CAST: variants seen among roughly 807,000 people sequenced by gnomAD.
CAST encodes the protein MIR583 host.
CAST carries 76 observed loss-of-function variants against 119.6 expected under a neutral mutation model. That is an observed-to-expected ratio of 0.64 (90% CI 0.53 to 0.77). The LOEUF (loss-of-function observed/expected upper bound fraction) is 0.77. Ranked by LOEUF, CAST falls within the 30% of genes least tolerant of loss-of-function variation. The pLI, the probability that CAST is intolerant of heterozygous loss-of-function variation, is 0.00. For synonymous variants in CAST, 319 were observed against 331.6 expected (o/e 0.96, Z 0.41); for missense variants, 953 against 946.5 (o/e 1.01, Z -0.09).
chr5:96,239,150 A>C, the CAST span, among the ~76,000 whole-genome samples: 1 of 152,126 alleles, frequency 6.6e-6, no homozygotes, highest in African/African-American at 2.4e-5. Flanking sequence ...TTAAAATTTT[A>C]ATTTTTTTAA....
chr5:96,744,651 T>C (rs1159123783), intron 16 of CAST, among the ~76,000 whole-genome samples: 1 of 152,188 alleles, frequency 6.6e-6, no homozygotes, highest in Non-Finnish European at 1.5e-5. Flanking sequence ...TTCAGTCCTC[T>C]AGATTATTAA....
the CAST span, among the ~76,000 whole-genome samples, chr5:96,420,509 C>A: frequency 6.6e-6 from 1 of 152,124 alleles, no homozygotes; most frequent in Non-Finnish European, 1.5e-5. Flanking sequence ...TAGTCACCCT[C>A]AAAGAAATAA....
the CAST span, among the ~76,000 whole-genome samples, chr5:95,966,273 A>G: frequency 6.6e-6 from 1 of 152,134 alleles, no homozygotes; most frequent in Admixed American, 6.5e-5. Flanking sequence ...AACCCTCCCT[A>G]GCCTTGTAAT....
the CAST span, among the ~76,000 whole-genome samples, chr5:96,457,741 C>T: frequency 1.3e-5 from 2 of 152,210 alleles, no homozygotes; most frequent in African/African-American, 4.8e-5. Context: ...TTATCTTCCT[C>T]AACCCAGAAT....
intron 1 of CAST, among the ~76,000 whole-genome samples, chr5:96,652,976 A>G (rs1462801187): frequency 6.6e-6 from 1 of 152,226 alleles, no homozygotes; most frequent in Non-Finnish European, 1.5e-5. Context: ...GTTTGGCTTG[A>G]GCACAGTGCT....
the CAST span, among the ~76,000 whole-genome samples, chr5:96,439,992 C>T: frequency 6.6e-6 from 1 of 151,960 alleles, no homozygotes; most frequent in Non-Finnish European, 1.5e-5. Context: ...AAGTGGCCCA[C>T]GGCACATTAC....
the CAST span, among the ~76,000 whole-genome samples, chr5:96,007,422 G>T: frequency 6.6e-6 from 1 of 152,110 alleles, no homozygotes; most frequent in Non-Finnish European, 1.5e-5. Context: ...TTTGACTTTT[G>T]AATTTAGTTA....
the CAST span, among the ~76,000 whole-genome samples, chr5:96,496,723 C>A: frequency 6.6e-6 from 1 of 152,146 alleles, no homozygotes; most frequent in South Asian, 2.1e-4. Flanking sequence ...GATGAAGAAA[C>A]CGGTTAGGTT....
the CAST span, among the ~76,000 whole-genome samples, chr5:96,043,420 G>A: frequency 1.1e-3 from 171 of 152,342 alleles, 1 homozygote; most frequent in African/African-American, 3.8e-3. Flanking sequence ...GTTAATGCAA[G>A]TGGTTTCGTT....
At chr5:96,515,160 T>C in the CAST span, among the ~76,000 whole-genome samples, 1 of 143,038 alleles carries the variant, frequency 7.0e-6, no homozygotes, top group Non-Finnish European at 1.6e-5. Context: ...ATGGGAGTGC[T>C]TCAAAAATGA....
rs1754857296 is a variant in CAST, at chr5:96,705,824, G to A, written c.210+9917G>A. Reference sequence around the variant, plus strand: ...ATGTAGCTATGACGTAGAAACTCCTGTTATGCTCGTTTTACAGATTAAGAA... The same window carrying A: ...ATGTAGCTATGACGTAGAAACTCCTATTATGCTCGTTTTACAGATTAAGAA... On this transcript the variant is annotated intron_variant, in intron 3 of 31. Coordinates refer to ENST00000675179, the MANE Select transcript of CAST (RefSeq NM_001750.7). Among the ~76,000 whole-genome samples, 4 of 152,270 alleles carry A rather than the reference G, an allele frequency of 2.6e-5. No homozygotes were observed. In the South Asian group the frequency reaches 8.3e-4, roughly 32 times the overall value.
the CAST span, among the ~76,000 whole-genome samples, chr5:96,018,785 G>A: frequency 6.6e-6 from 1 of 152,140 alleles, no homozygotes; most frequent in South Asian, 2.1e-4. Context: ...TTTTTTAAAA[G>A]AAAGAATCTC....
At chr5:96,196,443 A>C in the CAST span, among the ~76,000 whole-genome samples, 540 of 152,320 alleles carry the variant, frequency 3.5e-3, 2 homozygotes, top group African/African-American at 0.013. Flanking sequence ...CCCTGATCTC[A>C]CGTATGTTCT....
At chr5:96,408,194 A>T in the CAST span, 1 of 1,495,046 alleles carries the variant, frequency 6.7e-7, no homozygotes, top group Non-Finnish European at 9.3e-7. Flanking sequence ...AGCCTTTGTA[A>T]AGGTGATTAG....
the CAST span, among the ~76,000 whole-genome samples, chr5:96,368,859 G>A: frequency 1.3e-5 from 2 of 152,078 alleles, no homozygotes; most frequent in African/African-American, 4.8e-5. Context: ...AATTGGCTAG[G>A]TAAGAAATTT....
the CAST span, among the ~76,000 whole-genome samples, chr5:96,378,434 A>G: frequency 6.6e-6 from 1 of 152,148 alleles, no homozygotes; most frequent in Non-Finnish European, 1.5e-5. Flanking sequence ...GTATATGTAT[A>G]TCAAAACATC....
At chr5:96,485,425 G>C in the CAST span, among the ~76,000 whole-genome samples, 1 of 152,052 alleles carries the variant, frequency 6.6e-6, no homozygotes, top group Admixed American at 6.6e-5. Context: ...AACATAATCA[G>C]CTTGCAATTT....
intron 2 of CAST, among the ~76,000 whole-genome samples, chr5:96,685,377 A>AT (rs1269432178): frequency 6.6e-6 from 1 of 152,128 alleles, no homozygotes; most frequent in East Asian, 1.9e-4. Flanking sequence ...AAATAATGGG[A>AT]TGACTGGTTC....
At chr5:96,429,644 C>A in the CAST span, among the ~76,000 whole-genome samples, 2 of 152,118 alleles carry the variant, frequency 1.3e-5, no homozygotes, top group Non-Finnish European at 2.9e-5. Context: ...ATATGTTGTT[C>A]CCCTCTATGT....
Sources: allele counts gnomAD v4.1 joint callset (sites outside exome capture counted in the v4.1 genomes callset), GRCh38; gene constraint gnomAD v4.1.1; transcripts MANE v1.5; gene names NCBI Gene and HGNC (gene_info 2026-07-23, HGNC 2026-07-21).